The following GATAD2B variants were observed in gnomAD, a reference collection of about 807,000 sequenced individuals.
GATAD2B encodes GATA zinc finger domain containing 2B.
A neutral mutation model predicts 64.3 loss-of-function variants in GATAD2B; 8 were observed. The observed-to-expected ratio is 0.12, with a 90% CI of 0.07 to 0.22. The LOEUF is 0.22. Ranked by LOEUF, GATAD2B falls within the 10% of genes least tolerant of loss-of-function variation. GATAD2B has a pLI of 1.00. For missense variants in GATAD2B, 453 were observed against 752.0 expected (o/e 0.60, Z 4.65); for synonymous variants, 281 against 271.3 (o/e 1.04, Z -0.35).
At chr1:153,892,621 A>G (rs957110819) in intron 1 of GATAD2B, among the ~76,000 whole-genome samples, 1 of 152,066 alleles carries the variant, frequency 6.6e-6, no homozygotes, top group African/African-American at 2.4e-5. Flanking sequence ...TCTGTCCAAC[A>G]ATATTATAAA....
At chr1:153,894,334 G>A (rs1041446680) in intron 1 of GATAD2B, among the ~76,000 whole-genome samples, 1 of 152,058 alleles carries the variant, frequency 6.6e-6, no homozygotes, top group African/African-American at 2.4e-5. Flanking sequence ...CAGGTGTGGT[G>A]GCACACGCCT....
At chr1:153,834,007 TTTTG>T (rs1456098569) in intron 1 of GATAD2B, among the ~76,000 whole-genome samples, 10 of 151,540 alleles carry the variant, frequency 6.6e-5, no homozygotes, top group African/African-American at 2.2e-4. Context: ...TTTGGTTGTT[TTTTG>T]TTTGTTTTTG....
At chr1:153,838,056 T>C (rs984747535) in intron 1 of GATAD2B, among the ~76,000 whole-genome samples, 4 of 152,332 alleles carry the variant, frequency 2.6e-5, no homozygotes, top group Middle Eastern at 3.4e-3. Context: ...TAGGTAGTAT[T>C]GTTTCTACTT....
chr1:153,827,826 G>A (rs774777858), intron 2 of GATAD2B, among the ~76,000 whole-genome samples, 187 bp downstream of exon 2: 5 of 152,098 alleles, frequency 3.3e-5, no homozygotes, highest in Non-Finnish European at 5.9e-5. Flanking sequence ...ATTCTCTGTA[G>A]GCTAAGCAGT....
chr1:153,852,850 G>A lies in GATAD2B; in HGVS notation c.-1-24502C>T, dbSNP rs1326622891. The A allele has an allele frequency of 3.8e-6, 3 of 797,022 alleles. 1 individual carries two copies. Among genetic ancestry groups the A allele is most frequent in the South Asian group, 3.0e-5 (2 of 67,430 alleles). The allele number at this position is 797,022 out of a possible 1,614,324, so 49.4% of individuals were successfully genotyped here. A position where few individuals can be genotyped will look rare whatever the true frequency, so the allele number is the denominator to read the frequency against. On this transcript the variant is annotated intron_variant, in intron 1 of 10. Transcript: ENST00000368655. ...TTTTTCTAGTTCTTCCCCAGTGAGA[G>A]GGAGGTACTGTCCTACCAAGAGCTC...
intron 1 of GATAD2B, among the ~76,000 whole-genome samples, chr1:153,843,737 A>C (rs1285563100): frequency 6.6e-6 from 1 of 151,588 alleles, no homozygotes; most frequent in East Asian, 1.9e-4. Context: ...CCAATGCTGC[A>C]ATTTCCACTT....
intron 1 of GATAD2B, among the ~76,000 whole-genome samples, chr1:153,831,288 G>C (rs940150349): frequency 9.9e-5 from 15 of 152,160 alleles, no homozygotes; most frequent in African/African-American, 3.6e-4. Flanking sequence ...TGAACAATGA[G>C]AACACATGGA....
At chr1:153,903,230 A>C (rs1002269888) in intron 1 of GATAD2B, among the ~76,000 whole-genome samples, 4 of 152,060 alleles carry the variant, frequency 2.6e-5, no homozygotes, top group African/African-American at 9.7e-5. Flanking sequence ...AAAAAAAAAA[A>C]AGTGGTTACA....
intron 1 of GATAD2B, among the ~76,000 whole-genome samples, chr1:153,898,004 C>CAAAAAAAAAAAAAA (rs60650122): frequency 8.4e-5 from 11 of 131,384 alleles, no homozygotes; most frequent in African/African-American, 3.1e-4. Context: ...AAAAAAAAAA[C>CAAAAAAAAAAAAAA]AAAAAAAAAA....
chr1:153,852,189 T>A (rs112460670), intron 1 of GATAD2B: 3 of 913,594 alleles, frequency 3.3e-6, no homozygotes, highest in Non-Finnish European at 5.4e-6. Flanking sequence ...ACTCAGTCAG[T>A]TGAGGGTGAA....
At chr1:153,911,532 C>T (rs1325095682) in intron 1 of GATAD2B, among the ~76,000 whole-genome samples, 3 of 152,054 alleles carry the variant, frequency 2.0e-5, no homozygotes, top group Non-Finnish European at 4.4e-5. Context: ...GTCAGGAGTT[C>T]GCGACCAGCC....
intron 1 of GATAD2B, chr1:153,914,610 C>T (rs752177631): frequency 9.2e-5 from 14 of 152,160 alleles, no homozygotes; most frequent in Non-Finnish European, 1.8e-4. Context: ...TGACAGGCAC[C>T]ATGCTAGGCA....
chr1:153,827,232 C>T (rs1407420348), intron 2 of GATAD2B, among the ~76,000 whole-genome samples: 3 of 139,430 alleles, frequency 2.2e-5, no homozygotes, highest in South Asian at 2.3e-4. Context: ...GGCAACAGAG[C>T]GAGACCTTGC....
chr1:153,919,940 T>C (rs1294315440), intron 1 of GATAD2B, among the ~76,000 whole-genome samples: 2 of 152,246 alleles, frequency 1.3e-5, no homozygotes, highest in African/African-American at 4.8e-5. Context: ...AATCTTACGA[T>C]TTCTCTAGCA....
intron 7 of GATAD2B, among the ~76,000 whole-genome samples, chr1:153,815,104 A>AAAAAAAAAAAAAAAAAAAC (rs1674417180): frequency 7.0e-6 from 1 of 142,338 alleles, no homozygotes; most frequent in Non-Finnish European, 1.6e-5. Context: ...AAAAAAAAAA[A>AAAAAAAAAAAAAAAAAAAC]AAAAAAAACC....
rs767719663 is a variant in GATAD2B, at chr1:153,818,783, C to T, written c.597+8G>A. On this transcript the variant is annotated splice_region_variant and intron_variant, in intron 4 of 10. Transcript: ENST00000368655. The stretch of plus-strand genomic sequence containing the variant: ...TTCCCTTAGTCCCTTATTTCTAGGG[C>T]ACATTACCTTCTGGACCACATTCTC... The T allele has an allele frequency of 2.5e-6, 4 of 1,612,478 alleles. No individual in the cohort carries two copies. The African/African-American group carries it at 4.0e-5, about 16-fold the overall frequency.
intron 1 of GATAD2B, among the ~76,000 whole-genome samples, chr1:153,872,780 T>C (rs1557815649): frequency 6.6e-6 from 1 of 152,210 alleles, no homozygotes. Context: ...AGAAGACAAC[T>C]AGTTAGCTGG....
At chr1:153,835,552 G>T (rs1675233318) in intron 1 of GATAD2B, among the ~76,000 whole-genome samples, 1 of 152,064 alleles carries the variant, frequency 6.6e-6, no homozygotes, top group South Asian at 2.1e-4. Flanking sequence ...CCACATGGAG[G>T]CAAGACACTC....
At chr1:153,870,200 C>T (rs1227979245) in intron 1 of GATAD2B, among the ~76,000 whole-genome samples, 2 of 152,090 alleles carry the variant, frequency 1.3e-5, no homozygotes, top group Non-Finnish European at 2.9e-5. Flanking sequence ...ATCCACCTGC[C>T]TCGGCCTCCA....
Sources: allele counts gnomAD v4.1 joint callset (sites outside exome capture counted in the v4.1 genomes callset), GRCh38; gene constraint gnomAD v4.1.1; transcripts MANE v1.5; gene names NCBI Gene and HGNC (gene_info 2026-07-23, HGNC 2026-07-21).